The following CTNNA3 variants were observed in gnomAD, a reference collection of about 807,000 sequenced individuals.
The protein encoded by CTNNA3 is catenin alpha-3.
CTNNA3 carries 76 observed loss-of-function variants against 95.7 expected under a neutral mutation model. The ratio of observed to expected loss-of-function variants is 0.79; its 90% confidence interval spans 0.66 to 0.96. The LOEUF is 0.96. Among genes scored for constraint, CTNNA3 ranks in the 40% least tolerant of loss-of-function variants. The pLI is 0.00. For synonymous variants in CTNNA3, 431 were observed against 374.4 expected, an observed-to-expected ratio of 1.15 and a Z score of -1.74; for missense variants, 1,191 against 1,089.8, an observed-to-expected ratio of 1.09 and a Z score of -1.31.
At chr10:67,100,111 C>G (rs1486742783) in intron 7 of CTNNA3, among the ~76,000 whole-genome samples, 2 of 151,724 alleles carry the variant, frequency 1.3e-5, no homozygotes, top group Non-Finnish European at 3.0e-5. Context: ...TTTCTAGACA[C>G]ATTCAAATTG....
chr10:66,904,150 C>T (rs1564755063), intron 7 of CTNNA3, among the ~76,000 whole-genome samples: 1 of 152,170 alleles, frequency 6.6e-6, no homozygotes, highest in Non-Finnish European at 1.5e-5. Context: ...ACCAAAACAG[C>T]ATGGTACTGG....
chr10:66,245,374 C>T (rs2090276098), intron 13 of CTNNA3, among the ~76,000 whole-genome samples: 1 of 152,202 alleles, frequency 6.6e-6, no homozygotes, highest in African/African-American at 2.4e-5. Context: ...CCCTGAGGGG[C>T]CACAGCTCTT....
intron 1 of CTNNA3, among the ~76,000 whole-genome samples, chr10:67,734,729 T>G (rs1287894787): frequency 6.6e-6 from 1 of 152,108 alleles, no homozygotes; most frequent in Non-Finnish European, 1.5e-5. Context: ...AAGTACATAC[T>G]TTGACCAAAA....
chr10:67,079,143 C>T (rs576773723), intron 7 of CTNNA3, among the ~76,000 whole-genome samples: 6 of 152,252 alleles, frequency 3.9e-5, no homozygotes, highest in Admixed American at 3.3e-4. Flanking sequence ...TTTGCATTCC[C>T]CTTTTGGTTT....
At position 66,587,307 on chromosome 10, in the gene CTNNA3, T is replaced by C. The variant is rs115822689; in HGVS notation, c.1374+34385A>G. 7.7e-3 allele frequency among the ~76,000 whole-genome samples: 1,170 copies of C among 152,274 alleles called. 19 individuals carry two copies. Among genetic ancestry groups the C allele is most frequent in the African/African-American group, 0.026 (1,096 of 41,532 alleles). ...TTTATGCAGATGTTTTAATGGGCTG[T>C]GCCGGTTGGCCTCCAGCCAGTAGGT... On this transcript the variant is annotated intron_variant, in intron 10 of 17. Transcript: ENST00000433211.
intron 7 of CTNNA3, among the ~76,000 whole-genome samples, chr10:66,812,274 GGAAAA>G: frequency 6.6e-6 from 1 of 152,082 alleles, no homozygotes; most frequent in South Asian, 2.1e-4. Flanking sequence ...TTCTGTGAAA[GGAAAA>G]TATCTATAAA....
At chr10:66,578,665 C>A (rs1843082204) in intron 10 of CTNNA3, among the ~76,000 whole-genome samples, 1 of 151,902 alleles carries the variant, frequency 6.6e-6, no homozygotes, top group Non-Finnish European at 1.5e-5. Context: ...CAGGAATAAA[C>A]CCTACTTGAT....
At chr10:67,396,243 A>C (rs1844702342) in intron 5 of CTNNA3, among the ~76,000 whole-genome samples, 1 of 152,210 alleles carries the variant, frequency 6.6e-6, no homozygotes, top group South Asian at 2.1e-4. Flanking sequence ...AATCTAGAAA[A>C]ATAGGATTAT....
chr10:66,313,420 T>G (rs139646164), intron 12 of CTNNA3, among the ~76,000 whole-genome samples: 60 of 152,344 alleles, frequency 3.9e-4, no homozygotes, highest in Non-Finnish European at 4.4e-5. Context: ...TCAAGTAGGC[T>G]GCAATTGCAT....
chr10:65,930,374 A>G (rs933959280), intron 17 of CTNNA3, among the ~76,000 whole-genome samples: 54 of 152,266 alleles, frequency 3.5e-4, no homozygotes, highest in Non-Finnish European at 3.2e-4. Context: ...AAGGAAATGG[A>G]GAAGATGAAC....
At chr10:66,399,838 G>A (rs1180473871) in intron 11 of CTNNA3, among the ~76,000 whole-genome samples, 2 of 151,948 alleles carry the variant, frequency 1.3e-5, no homozygotes, top group African/African-American at 4.8e-5. Flanking sequence ...CAGGTGCCAA[G>A]AAAGAATATA....
chr10:67,454,024 G>A (rs1847083295), intron 5 of CTNNA3, among the ~76,000 whole-genome samples: 1 of 151,990 alleles, frequency 6.6e-6, no homozygotes, highest in African/African-American at 2.4e-5. Flanking sequence ...TCCTCTGTAT[G>A]TAAACAATAT....
At chr10:67,224,875 G>A (rs1201404445) in intron 5 of CTNNA3, among the ~76,000 whole-genome samples, 2 of 152,148 alleles carry the variant, frequency 1.3e-5, no homozygotes, top group Non-Finnish European at 2.9e-5. Context: ...GAAGCCTCAT[G>A]GCCAGAACTT....
chr10:67,445,182 T>C (rs1348366643), intron 5 of CTNNA3, among the ~76,000 whole-genome samples: 3 of 149,862 alleles, frequency 2.0e-5, no homozygotes, highest in Non-Finnish European at 4.4e-5. Context: ...TAACCTCAAA[T>C]TGAAAAAAAC....
rs576497173 is a variant in CTNNA3, at chr10:67,421,517, AC to A, written c.579+100324del. 3.0e-4 allele frequency among the ~76,000 whole-genome samples: 46 copies of A among 152,278 alleles called. No homozygotes were observed. In the South Asian group the frequency reaches 8.9e-3, roughly 29 times the overall value. On this transcript the variant is annotated intron_variant, in intron 5 of 17. Transcript: ENST00000433211. Reference sequence around the variant, plus strand: ...GCTTCAGAAGACTACCCACAAGGGCACCTTTCCCATTGTCACATGGGGACCA... The same window carrying A: ...GCTTCAGAAGACTACCCACAAGGGCACTTTCCCATTGTCACATGGGGACCA...
chr10:66,227,101 G>A (rs1458724991), intron 13 of CTNNA3, among the ~76,000 whole-genome samples: 1 of 152,096 alleles, frequency 6.6e-6, no homozygotes, highest in Non-Finnish European at 1.5e-5. Context: ...CTGAGCTCAA[G>A]TGATCCTCTC....
intron 14 of CTNNA3, among the ~76,000 whole-genome samples, chr10:66,077,362 C>A (rs1025249977): frequency 6.6e-6 from 1 of 151,686 alleles, no homozygotes; most frequent in Non-Finnish European, 1.5e-5. Flanking sequence ...TTTGTGGAGG[C>A]ATGAGAGATC....
chr10:66,122,618 T>A (rs1333810751), intron 13 of CTNNA3, among the ~76,000 whole-genome samples: 1 of 152,194 alleles, frequency 6.6e-6, no homozygotes, highest in East Asian at 1.9e-4. Context: ...ATACTTATAA[T>A]CAGAAACCAT....
intron 9 of CTNNA3, among the ~76,000 whole-genome samples, chr10:66,645,740 C>A (rs1157130128): frequency 1.3e-5 from 2 of 152,118 alleles, no homozygotes; most frequent in Non-Finnish European, 2.9e-5. Flanking sequence ...TGCAAGAAAT[C>A]TAGGTTGCAC....
Sources: allele counts gnomAD v4.1 joint callset (sites outside exome capture counted in the v4.1 genomes callset), GRCh38; gene constraint gnomAD v4.1.1; transcripts MANE v1.5; gene names NCBI Gene and HGNC (gene_info 2026-07-23, HGNC 2026-07-21).